Variants in RYR2 observed in about 807,000 individuals in gnomAD.
RYR2 encodes the protein cardiac muscle ryanodine receptor-calcium release channel.
Under a neutral mutation model 601.1 loss-of-function variants are expected in RYR2, and 227 were observed. That is an observed-to-expected ratio of 0.38 (90% CI 0.34 to 0.42). The LOEUF (loss-of-function observed/expected upper bound fraction) is 0.42. Ranked by LOEUF, RYR2 falls within the 10% of genes least tolerant of loss-of-function variation. The pLI, the probability that RYR2 is intolerant of heterozygous loss-of-function variation, is 1.00. For synonymous variants in RYR2, 2,223 were observed against 2,175.1 expected (o/e 1.02, Z -0.61); for missense variants, 4,646 against 6,156.5 (o/e 0.75, Z 8.21).
intron 1 of RYR2, among the ~76,000 whole-genome samples, chr1:237,207,607 A>G (rs993857645): frequency 6.6e-6 from 1 of 152,190 alleles, no homozygotes; most frequent in African/African-American, 2.4e-5. Context: ...GAGACCATGC[A>G]GTAAGAAGCC....
intron 58 of RYR2, among the ~76,000 whole-genome samples, chr1:237,669,854 A>G (rs1166741573): frequency 1.8e-4 from 26 of 142,032 alleles, no homozygotes; most frequent in Admixed American, 6.3e-4. Flanking sequence ...ATGGGCGGCC[A>G]GGCAGAGACG....
At chr1:237,309,568 C>T (rs1694291838) in intron 2 of RYR2, among the ~76,000 whole-genome samples, 1 of 152,250 alleles carries the variant, frequency 6.6e-6, no homozygotes, top group African/African-American at 2.4e-5. Context: ...GCTGGCTTCA[C>T]CTACTGGATC....
At chr1:237,080,890 A>T (rs1665533212) in intron 1 of RYR2, among the ~76,000 whole-genome samples, 1 of 72,622 alleles carries the variant, frequency 1.4e-5, no homozygotes, top group Admixed American at 1.6e-4. Flanking sequence ...CAAATGTCCA[A>T]CAATGATAGA....
intron 1 of RYR2, among the ~76,000 whole-genome samples, chr1:237,216,365 A>G (rs1683151798): frequency 6.6e-6 from 1 of 152,192 alleles, no homozygotes; most frequent in South Asian, 2.1e-4. Flanking sequence ...TCACTAGGCT[A>G]TCATGAATTT....
chr1:237,331,512 C>CTTTTTTTTTTTTTTTTTTTTTTTTT (rs1460724250), intron 3 of RYR2, among the ~76,000 whole-genome samples: 7 of 150,646 alleles, frequency 4.6e-5, no homozygotes, highest in African/African-American at 1.7e-4. Context: ...TTTTTCTTTT[C>CTTTTTTTTTTTTTTTTTTTTTTTTT]TTTTTTTTGA....
intron 1 of RYR2, among the ~76,000 whole-genome samples, chr1:237,193,428 C>G (rs1346540558): frequency 6.6e-6 from 1 of 152,126 alleles, no homozygotes; most frequent in African/African-American, 2.4e-5. Context: ...CCACTGCACT[C>G]CAGCCTGGGC....
At chr1:237,406,155 CT>C (rs1418565742) in intron 10 of RYR2, among the ~76,000 whole-genome samples, 8 of 45,150 alleles carry the variant, frequency 1.8e-4, no homozygotes, top group African/African-American at 5.6e-4. Flanking sequence ...CTCCCCTCCC[CT>C]TCCCTTCCCT....
intron 28 of RYR2, 36 bp downstream of exon 28, chr1:237,566,811 G>T: frequency 6.2e-7 from 1 of 1,607,758 alleles, no homozygotes; most frequent in Non-Finnish European, 8.5e-7. Context: ...TCATCTGTAC[G>T]TGCTGGAGGC....
intron 1 of RYR2, among the ~76,000 whole-genome samples, chr1:237,132,572 AT>A (rs775769243): frequency 1.3e-5 from 2 of 152,274 alleles, no homozygotes; most frequent in Non-Finnish European, 2.9e-5. Flanking sequence ...AGAGAGGTCA[AT>A]AAAAGGCATC....
chr1:237,312,517 C>T (rs1694680559), intron 2 of RYR2, among the ~76,000 whole-genome samples: 1 of 152,124 alleles, frequency 6.6e-6, no homozygotes, highest in African/African-American at 2.4e-5. Flanking sequence ...GCGAAGATGA[C>T]ATTTTTAACA....
chr1:237,641,650 T>A (rs1465151005), intron 47 of RYR2, among the ~76,000 whole-genome samples: 2 of 152,052 alleles, frequency 1.3e-5, no homozygotes, highest in African/African-American at 2.4e-5. Flanking sequence ...CAAGTGATTC[T>A]CCTGCCTCAG....
intron 1 of RYR2, among the ~76,000 whole-genome samples, chr1:237,064,867 C>T (rs1219732633): frequency 6.8e-6 from 1 of 147,474 alleles, no homozygotes; most frequent in Non-Finnish European, 1.5e-5. Context: ...TGCTCTTCAG[C>T]GACTTCAAAT....
At chr1:237,235,470 G>A (rs1334647408) in intron 1 of RYR2, among the ~76,000 whole-genome samples, 1 of 152,216 alleles carries the variant, frequency 6.6e-6, no homozygotes, top group Non-Finnish European at 1.5e-5. Flanking sequence ...TAAACCATGG[G>A]AATGTTTCTC....
At chr1:237,577,089 C>G (rs778863626) in intron 29 of RYR2, among the ~76,000 whole-genome samples, 2 of 152,084 alleles carry the variant, frequency 1.3e-5, no homozygotes, top group African/African-American at 4.8e-5. Flanking sequence ...TACCCATGAC[C>G]CAGAAATTCT....
chr1:237,671,865 C>T (rs1573453202), intron 58 of RYR2, among the ~76,000 whole-genome samples: 2 of 152,136 alleles, frequency 1.3e-5, no homozygotes, highest in East Asian at 3.9e-4. Flanking sequence ...TTCCCACTGC[C>T]ACTTCAAGTA....
rs1668744071 is a variant in RYR2, at chr1:237,106,910, CAGT to C, written c.48+64343_48+64345del. Among the ~76,000 whole-genome samples, 1 of 152,140 alleles carries C rather than the reference CAGT, an allele frequency of 6.6e-6. No individual in the cohort carries two copies. ...CTCTCTGAAGTCCCTTTGTAAAGGG[CAGT>C]AATCACCTCCCAAGGCCCCGCCTCC... On this transcript the variant is annotated intron_variant, in intron 1 of 104. Coordinates refer to ENST00000366574, the MANE Select transcript of RYR2 (RefSeq NM_001035.3). The surrounding 1 kb of genome is among the most constrained non-coding windows in gnomAD (Gnocchi z 4.4).
chr1:237,554,981 C>G (rs1485654030), intron 27 of RYR2: 1 of 152,016 alleles, frequency 6.6e-6, no homozygotes, highest in Non-Finnish European at 1.5e-5. Flanking sequence ...TTATTTATTT[C>G]TCCATATCAC....
chr1:237,673,394 A>C (rs1445648018), intron 58 of RYR2, among the ~76,000 whole-genome samples: 1 of 152,118 alleles, frequency 6.6e-6, no homozygotes, highest in Non-Finnish European at 1.5e-5. Flanking sequence ...TCTCCCTATT[A>C]GTTTTTTTAA....
chr1:237,638,611 A>C, intron 45 of RYR2, 119 bp downstream of exon 45: 1 of 1,099,884 alleles, frequency 9.1e-7, no homozygotes, highest in African/African-American at 1.6e-5. Flanking sequence ...CATATTTTAT[A>C]ATCGATAGGG....
Sources: gnomAD v4.1 joint callset for allele counts (sites outside exome capture counted in the v4.1 genomes callset) on GRCh38, gnomAD v4.1.1 for gene constraint, Gnocchi (gnomAD v3.1) non-coding constraint, MANE v1.5 for transcripts, NCBI Gene and HGNC (gene_info 2026-07-23, HGNC 2026-07-21) for gene names.